Variants in VIPR2 observed in about 807,000 individuals in gnomAD.
The protein encoded by VIPR2 is vasoactive intestinal peptide receptor 2.
VIPR2 carries 48 observed loss-of-function variants against 58.0 expected under a neutral mutation model. The observed-to-expected ratio is 0.83, with a 90% confidence interval of 0.66 to 1.05. The LOEUF is 1.05. Ranked by LOEUF, VIPR2 falls within the 50% of genes least tolerant of loss-of-function variation. The pLI, the probability that VIPR2 is intolerant of heterozygous loss-of-function variation, is 0.00. For synonymous variants in VIPR2, 243 were observed against 235.2 expected, an observed-to-expected ratio of 1.03 and a Z score of -0.30; for missense variants, 534 against 558.0, an observed-to-expected ratio of 0.96 and a Z score of 0.43.
At chr7:159,033,549 G>A (rs372753920) in intron 10 of VIPR2, among the ~76,000 whole-genome samples, 40 of 152,200 alleles carry the variant, frequency 2.6e-4, no homozygotes, top group East Asian at 1.7e-3. Context: ...TAGATTCCCC[G>A]GATCATCATG....
At chr7:159,042,940 A>G (rs2540353) in intron 6 of VIPR2, 95 bp downstream of exon 6, 1,339,090 of 1,467,744 alleles carry the variant, frequency 0.91, 614,234 homozygotes, top group East Asian at 1. Flanking sequence ...CCCTGACAGG[A>G]ACCCTGCACC....
rs150098416 is a variant in VIPR2, at chr7:159,098,139, G to A, written c.357+5618C>T. On this transcript the variant is annotated intron_variant, in intron 4 of 12. Transcript: ENST00000262178. This position sits in a 1 kb window ranked among gnomAD's most constrained non-coding sequence, Gnocchi z 5.2. ...CTGCCTGAGCTGTTCTGTTTTCCACGCAGTGGGAACCCCGGCCCCCATCCA... is the reference window on the plus strand; with the variant it reads ...CTGCCTGAGCTGTTCTGTTTTCCACACAGTGGGAACCCCGGCCCCCATCCA... Among the ~76,000 whole-genome samples, 819 of 152,252 alleles carry A rather than the reference G, an allele frequency of 5.4e-3. 10 individuals are homozygous for A. Among genetic ancestry groups the A allele is most frequent in the African/African-American group, 0.018 (742 of 41,548 alleles).
rs112226672 is a variant in VIPR2 at position 159,093,483 on chromosome 7, A to G, written c.357+10274T>C. On this transcript the variant is annotated intron_variant, in intron 4 of 12. Coordinates refer to ENST00000262178, the MANE Select transcript of VIPR2 (RefSeq NM_003382.5). The surrounding 1 kb of genome is among the most constrained non-coding windows in gnomAD (Gnocchi z 6.7). ...CGGAAGTGAGGAGCCTCTCCAACTC[A>G]CTCAGGGGAGATTTTTAAAAATAGT... Among the ~76,000 whole-genome samples the G allele has an allele frequency of 1.2e-3, 189 of 152,178 alleles. No homozygotes were observed. Among genetic ancestry groups the G allele is most frequent in the Admixed American group, 3.9e-3 (59 of 15,284 alleles).
At chr7:159,055,742 C>T (rs150225035) in intron 5 of VIPR2, among the ~76,000 whole-genome samples, 1 of 152,314 alleles carries the variant, frequency 6.6e-6, no homozygotes, top group East Asian at 1.9e-4. Flanking sequence ...GGGGTTGGCA[C>T]TTACAGCCAT....
At chr7:159,118,190 G>T (rs1021763030) in intron 2 of VIPR2, among the ~76,000 whole-genome samples, 1 of 152,200 alleles carries the variant, frequency 6.6e-6, no homozygotes, top group African/African-American at 2.4e-5. Context: ...CCGAAGGTGG[G>T]TGTTTAAATA....
At chr7:159,135,173 C>T (rs904738931) in intron 2 of VIPR2, among the ~76,000 whole-genome samples, 9 of 151,988 alleles carry the variant, frequency 5.9e-5, no homozygotes, top group African/African-American at 1.9e-4. Flanking sequence ...CAGGGGCTCG[C>T]GCCTGTAATC....
chr7:159,096,694 C>T lies in VIPR2; in HGVS notation c.357+7063G>A. ...ACATGCACAGGTTAAAACTAAACAG[C>T]AGAAAAGTGCTCATAATCCTGTCTG... is the stretch of plus-strand genomic sequence containing the variant. On this transcript the variant is annotated intron_variant, in intron 4 of 12. Transcript: ENST00000262178. This position sits in a 1 kb window ranked among gnomAD's most constrained non-coding sequence, Gnocchi z 5.5. 7.9e-7 allele frequency: 1 copy of T among 1,260,240 alleles called. No individual in the cohort carries two copies. The allele number at this position is 1,260,240 out of a possible 1,614,324, so 78.1% of individuals were successfully genotyped here.
chr7:159,045,891 A>ATACATATATATAT, intron 5 of VIPR2, among the ~76,000 whole-genome samples: 1 of 147,950 alleles, frequency 6.8e-6, no homozygotes, highest in Non-Finnish European at 1.5e-5. Context: ...TTAGTATCTA[A>ATACATATATATAT]AATATATAAA....
Position 159,099,050 on chromosome 7 carries a change from C to T in VIPR2, c.357+4707G>A, listed in dbSNP as rs1182162502. Among the ~76,000 whole-genome samples, 2 of 152,256 alleles carry T rather than the reference C, an allele frequency of 1.3e-5. No individual in the cohort carries two copies. The highest frequency in any genetic ancestry group is 2.4e-5 in the African/African-American group (1 of 41,474). On this transcript the variant is annotated intron_variant, in intron 4 of 12. Transcript: ENST00000262178. The surrounding 1 kb of genome is among the most constrained non-coding windows in gnomAD (Gnocchi z 4.2). ...CCTCCAGAGCCGCCTGTGCTATGTG[C>T]TGTTGCTTCGTCTTGGAAGCGAGTC...
Position 159,031,421 on chromosome 7 carries a change from C to A in VIPR2, c.1143+407G>T, listed in dbSNP as rs1230023559. ...ACGCAGGGCAGAGCTCGGCTCCGGG[C>A]TTCCTCCCCAGGGACTCACAGGACG... On this transcript the variant is annotated intron_variant, in intron 12 of 12. Coordinates refer to ENST00000262178, the MANE Select transcript of VIPR2 (RefSeq NM_003382.5). This position sits in a 1 kb window ranked among gnomAD's most constrained non-coding sequence, Gnocchi z 4.0. 3.0e-6 allele frequency: 3 copies of A among 984,656 alleles called. No individual in the cohort carries two copies. Among genetic ancestry groups the A allele is most frequent in the African/African-American group, 1.7e-5 (1 of 57,320 alleles). 61.0% of individuals were successfully genotyped at this position (984,656 alleles called of 1,614,324 possible).
chr7:159,052,307 AT>A (rs1185151096), intron 5 of VIPR2, among the ~76,000 whole-genome samples: 1 of 152,220 alleles, frequency 6.6e-6, no homozygotes, highest in Non-Finnish European at 1.5e-5. Context: ...GAAAATATTG[AT>A]GAAATGGACA....
chr7:159,110,292 G>A (rs1310141523), intron 2 of VIPR2, among the ~76,000 whole-genome samples: 1 of 152,206 alleles, frequency 6.6e-6, no homozygotes, highest in Non-Finnish European at 1.5e-5. Flanking sequence ...TGTGGAATCT[G>A]ACTTCAATGA....
At chr7:159,071,046 T>G (rs1244275384) in intron 4 of VIPR2, among the ~76,000 whole-genome samples, 1 of 152,214 alleles carries the variant, frequency 6.6e-6, no homozygotes, top group African/African-American at 2.4e-5. Flanking sequence ...TTTAAAAACA[T>G]GAGGCAACTC....
intron 5 of VIPR2, among the ~76,000 whole-genome samples, chr7:159,045,823 T>C (rs1854609701): frequency 6.6e-6 from 1 of 150,708 alleles, no homozygotes; most frequent in Non-Finnish European, 1.5e-5. Context: ...ACTAAGAGAG[T>C]TCAAAGAAAA....
At chr7:159,062,519 C>T (rs1039675528) in intron 4 of VIPR2, among the ~76,000 whole-genome samples, 1 of 151,994 alleles carries the variant, frequency 6.6e-6, no homozygotes, top group Non-Finnish European at 1.5e-5. Context: ...TTAAGGCGGC[C>T]CCTCTCTGGA....
intron 2 of VIPR2, among the ~76,000 whole-genome samples, chr7:159,129,067 A>G (rs1796766216): frequency 6.6e-6 from 1 of 152,002 alleles, no homozygotes; most frequent in Admixed American, 6.6e-5. Context: ...TGTAAGAAGA[A>G]CCCGTCACCA....
At chr7:159,049,482 G>A (rs1854854738) in intron 5 of VIPR2, among the ~76,000 whole-genome samples, 1 of 152,302 alleles carries the variant, frequency 6.6e-6, no homozygotes, top group East Asian at 1.9e-4. Context: ...GGGCACAGAG[G>A]GTGTTCAGAA....
chr7:159,048,664 CTTTT>C (rs1186260044), intron 5 of VIPR2, among the ~76,000 whole-genome samples: 1 of 152,182 alleles, frequency 6.6e-6, no homozygotes, highest in Non-Finnish European at 1.5e-5. Context: ...TCACTGGTTT[CTTTT>C]TATTTTTAAA....
At chr7:159,073,985 A>T (rs1399636977) in intron 4 of VIPR2, among the ~76,000 whole-genome samples, 1 of 152,236 alleles carries the variant, frequency 6.6e-6, no homozygotes, top group Non-Finnish European at 1.5e-5. Context: ...ATTTCTCATT[A>T]ACATTAGCAA....
Sources: allele counts gnomAD v4.1 joint callset (sites outside exome capture counted in the v4.1 genomes callset), GRCh38; gene constraint gnomAD v4.1.1; non-coding constraint Gnocchi (gnomAD v3.1); transcripts MANE v1.5; gene names NCBI Gene and HGNC (gene_info 2026-07-23, HGNC 2026-07-21).